KLHL1: variants seen among roughly 807,000 people sequenced by gnomAD.
KLHL1 encodes kelch like family member 1, also known as kelch-like protein 1.
A neutral mutation model predicts 77.7 loss-of-function variants in KLHL1; 47 were observed. The observed-to-expected ratio is 0.60, with a 90% CI of 0.48 to 0.77. KLHL1 has a LOEUF of 0.77. KLHL1 is among the 30% of genes least tolerant of loss of function. The pLI, the probability that KLHL1 is intolerant of heterozygous loss-of-function variation, is 0.00. For synonymous variants in KLHL1, 360 were observed against 325.2 expected, an observed-to-expected ratio of 1.11 and a Z score of -1.15; for missense variants, 925 against 910.8, an observed-to-expected ratio of 1.02 and a Z score of -0.20.
chr13:69,758,959 T>A (rs1226592975), intron 7 of KLHL1, among the ~76,000 whole-genome samples: 1 of 152,052 alleles, frequency 6.6e-6, no homozygotes, highest in Non-Finnish European at 1.5e-5. Context: ...ACAGGTACCC[T>A]CCCTAATGTT....
At chr13:69,853,473 C>G (rs536517234) in intron 5 of KLHL1, among the ~76,000 whole-genome samples, 6 of 151,910 alleles carry the variant, frequency 3.9e-5, no homozygotes, top group Non-Finnish European at 7.4e-5. Context: ...TTACAAATTA[C>G]CCAGTCTTGG....
chr13:69,748,879 A>C (rs1874343309), intron 7 of KLHL1, among the ~76,000 whole-genome samples: 1 of 152,078 alleles, frequency 6.6e-6, no homozygotes, highest in Non-Finnish European at 1.5e-5. Context: ...CTCAAAACTT[A>C]AATTCCTCTC....
rs989514372 is a variant in KLHL1, at chr13:69,965,775, A to G, written c.681-4331T>C. ...CTCAAATAATAAGAAAGCACAACAG[A>G]CTTATTTCTGAAATGGAGAAAGTGA... On this transcript the variant is annotated intron_variant, in intron 2 of 10. Coordinates refer to ENST00000377844, the MANE Select transcript of KLHL1 (RefSeq NM_020866.3). Among the ~76,000 whole-genome samples the G allele has an allele frequency of 2.6e-5, 4 of 152,132 alleles. No individual in the cohort carries two copies. In the East Asian group the frequency reaches 7.7e-4, roughly 29 times the overall value.
intron 3 of KLHL1, among the ~76,000 whole-genome samples, chr13:69,943,632 A>G (rs1272739224): frequency 1.3e-5 from 2 of 152,102 alleles, no homozygotes; most frequent in African/African-American, 4.8e-5. Flanking sequence ...ATATTTGTAT[A>G]TCAATTTTTG....
chr13:69,751,920 G>A (rs1459109865), intron 7 of KLHL1, among the ~76,000 whole-genome samples: 2 of 128,754 alleles, frequency 1.6e-5, no homozygotes, highest in Non-Finnish European at 3.4e-5. Flanking sequence ...TTAAGAGGAT[G>A]TATTTCTTTG....
At chr13:69,990,196 C>T (rs542016163) in intron 1 of KLHL1, among the ~76,000 whole-genome samples, 1 of 151,884 alleles carries the variant, frequency 6.6e-6, no homozygotes, top group South Asian at 2.1e-4. Context: ...ATGGAAAGAC[C>T]ATTACCAGCC....
intron 4 of KLHL1, among the ~76,000 whole-genome samples, chr13:69,919,393 C>G (rs1882557363): frequency 1.3e-5 from 2 of 152,056 alleles, no homozygotes; most frequent in South Asian, 2.1e-4. Flanking sequence ...TTTACTGGAT[C>G]CTTTTTTTAG....
chr13:69,793,443 C>A (rs912393744), intron 7 of KLHL1, among the ~76,000 whole-genome samples: 8 of 151,326 alleles, frequency 5.3e-5, no homozygotes, highest in African/African-American at 1.9e-4. Flanking sequence ...ACATTTTAAA[C>A]CACGCAGTTT....
At chr13:69,997,090 G>A (rs1478056438) in intron 1 of KLHL1, among the ~76,000 whole-genome samples, 6 of 150,900 alleles carry the variant, frequency 4.0e-5, no homozygotes, top group East Asian at 3.9e-4. Context: ...ATGTGGTGGC[G>A]CATGTCTGTA....
intron 1 of KLHL1, among the ~76,000 whole-genome samples, chr13:69,978,746 C>G (rs1295463014): frequency 6.6e-6 from 1 of 152,108 alleles, no homozygotes; most frequent in East Asian, 1.9e-4. Context: ...CTTGGCCCCC[C>G]AAAGTGCTGG....
At chr13:70,035,498 A>G (rs942628463) in intron 1 of KLHL1, among the ~76,000 whole-genome samples, 1 of 152,072 alleles carries the variant, frequency 6.6e-6, no homozygotes, top group Non-Finnish European at 1.5e-5. Context: ...AATAAATAGA[A>G]AAAACATGAA....
chr13:69,793,094 ATAAGATGT>A (rs1876941204), intron 7 of KLHL1, among the ~76,000 whole-genome samples: 4 of 152,126 alleles, frequency 2.6e-5, no homozygotes, highest in African/African-American at 9.7e-5. Flanking sequence ...TATTTAATAT[ATAAGATGT>A]TGCATAGCAC....
intron 1 of KLHL1, among the ~76,000 whole-genome samples, chr13:69,988,778 A>C (rs988099055): frequency 6.6e-6 from 1 of 151,978 alleles, no homozygotes; most frequent in African/African-American, 2.4e-5. Flanking sequence ...AAGTGTCTTC[A>C]TGTCTTTGCC....
At position 69,842,136 on chromosome 13, in the gene KLHL1, C is replaced by CA. The variant is rs1300870688; in HGVS notation, c.1228-2975dup. On this transcript the variant is annotated intron_variant, in intron 5 of 10. Coordinates refer to ENST00000377844, the MANE Select transcript of KLHL1 (RefSeq NM_020866.3). ...AAGTTCTCATAAAGAGTGGTCTAAGCAAAGGATTTATGACTAAGACATCAA... is the reference window on the plus strand; with the variant it reads ...AAGTTCTCATAAAGAGTGGTCTAAGCAAAAGGATTTATGACTAAGACATCAA... Among the ~76,000 whole-genome samples the CA allele has an allele frequency of 6.6e-5, 10 of 151,722 alleles. No individual in the cohort carries two copies. In the East Asian group the frequency reaches 2.0e-3, roughly 30 times the overall value.
intron 6 of KLHL1, among the ~76,000 whole-genome samples, chr13:69,802,692 C>G (rs1047234505): frequency 6.6e-6 from 1 of 151,746 alleles, no homozygotes; most frequent in Admixed American, 6.6e-5. Context: ...TCCCGTACCC[C>G]CTGCTTGCTC....
rs1047906161 is a variant in KLHL1 at position 69,939,223 on chromosome 13, A to C, written c.1014+817T>G. 2.0e-5 allele frequency among the ~76,000 whole-genome samples: 3 copies of C among 150,438 alleles called. No homozygotes were observed. The Admixed American group carries it at 2.0e-4, about 10-fold the overall frequency. On this transcript the variant is annotated intron_variant, in intron 4 of 10. Coordinates refer to ENST00000377844, the MANE Select transcript of KLHL1 (RefSeq NM_020866.3). The stretch of plus-strand genomic sequence containing the variant: ...GGTTATTCTATCCTAGAATGGAATT[A>C]ATATTTTTAAAATCCCATGCTATAA...
In KLHL1 at chr13:70,082,311, TCACACACACACACACACA is replaced by T. The variant is rs4053611; in HGVS notation, c.497+24874_497+24891del. On this transcript the variant is annotated intron_variant, in intron 1 of 10. Coordinates refer to ENST00000377844, the MANE Select transcript of KLHL1 (RefSeq NM_020866.3). ...CAGGAGCCCTTCCTCCTTGGACCTG[TCACACACACACACACACA>T]CACACACACACACACACACACACAC... 2.4e-3 allele frequency among the ~76,000 whole-genome samples: 270 copies of T among 111,022 alleles called. 2 individuals carry two copies. The highest frequency in any genetic ancestry group is 6.7e-3 in the South Asian group (17 of 2,524). The allele number at this position is 111,022 out of a possible 152,430, so 72.8% of individuals were successfully genotyped here.
intron 9 of KLHL1, among the ~76,000 whole-genome samples, chr13:69,717,303 C>T (rs1472211797): frequency 6.6e-6 from 1 of 152,022 alleles, no homozygotes; most frequent in Non-Finnish European, 1.5e-5. Context: ...AAAGTGGTTC[C>T]ACAGAGGCAC....
chr13:69,982,437 A>AAATAATAATAATAATAAT (rs34183465), intron 1 of KLHL1, among the ~76,000 whole-genome samples: 1 of 135,744 alleles, frequency 7.4e-6, no homozygotes, highest in African/African-American at 2.8e-5. Flanking sequence ...CTCCATCTCC[A>AAATAATAATAATAATAAT]AATAATAATA....
Sources: allele counts gnomAD v4.1 joint callset (sites outside exome capture counted in the v4.1 genomes callset), GRCh38; gene constraint gnomAD v4.1.1; transcripts MANE v1.5; gene names NCBI Gene and HGNC (gene_info 2026-07-23, HGNC 2026-07-21).